LINGO1: variants seen among roughly 807,000 people sequenced by gnomAD.
The protein encoded by LINGO1 is leucine-rich repeat and immunoglobulin-like domain-containing nogo receptor-interacting protein 1.
In LINGO1, 11 loss-of-function variants were observed where a neutral mutation model predicts 37.3. The observed-to-expected ratio is 0.29, with a 90% confidence interval of 0.19 to 0.49. The LOEUF is 0.49. LINGO1 is among the 20% of genes least tolerant of loss of function. LINGO1 has a pLI of 0.99. For missense variants in LINGO1, 585 were observed against 878.2 expected (o/e 0.67, Z 4.22); for synonymous variants, 387 against 403.0 (o/e 0.96, Z 0.48).
chr15:77,661,631 G>A (rs1219767046), intron 3 of LINGO1, among the ~76,000 whole-genome samples: 1 of 152,206 alleles, frequency 6.6e-6, no homozygotes, highest in Non-Finnish European at 1.5e-5. Context: ...TCTCTGGCCC[G>A]AGGGCTCAAA....
intron 3 of LINGO1, among the ~76,000 whole-genome samples, chr15:77,642,175 G>A (rs2074522323): frequency 6.6e-6 from 1 of 152,206 alleles, no homozygotes; most frequent in Non-Finnish European, 1.5e-5. Context: ...GCTTCCGTCT[G>A]CCTGGCTGTT....
intron 1 of LINGO1, among the ~76,000 whole-genome samples, chr15:77,809,387 G>A (rs552197994): frequency 1.1e-4 from 17 of 152,316 alleles, no homozygotes; most frequent in East Asian, 3.9e-4. Context: ...CTAACCAGGC[G>A]GGTGACCACC....
At chr15:77,782,596 C>A (rs533781110) in intron 1 of LINGO1, among the ~76,000 whole-genome samples, 2 of 152,250 alleles carry the variant, frequency 1.3e-5, no homozygotes, top group East Asian at 1.9e-4. Flanking sequence ...CCTCCACCTG[C>A]GCCATATTCC....
At chr15:77,802,298 C>G (rs1458070426) in intron 1 of LINGO1, among the ~76,000 whole-genome samples, 1 of 151,904 alleles carries the variant, frequency 6.6e-6, no homozygotes, top group East Asian at 1.9e-4. Flanking sequence ...TGTTGTCACT[C>G]TCGGGGATGA....
At chr15:77,767,270 C>G (rs2076539707) in intron 1 of LINGO1, among the ~76,000 whole-genome samples, 1 of 152,142 alleles carries the variant, frequency 6.6e-6, no homozygotes, top group Non-Finnish European at 1.5e-5. Flanking sequence ...TTAACACCAG[C>G]ACTGTAAGCA....
intron 1 of LINGO1, among the ~76,000 whole-genome samples, chr15:77,806,653 G>A (rs1428904967): frequency 1.3e-5 from 2 of 152,102 alleles, no homozygotes; most frequent in South Asian, 4.1e-4. Flanking sequence ...GACCATAGCA[G>A]CAGAGGCCTA....
chr15:77,719,218 G>A (rs1230163491), intron 2 of LINGO1, among the ~76,000 whole-genome samples: 4 of 150,090 alleles, frequency 2.7e-5, no homozygotes, highest in Non-Finnish European at 5.9e-5. Flanking sequence ...GAGCCCCTCT[G>A]GGCAGTGACA....
At chr15:77,690,117 C>T (rs545292057) in intron 2 of LINGO1, among the ~76,000 whole-genome samples, 9 of 152,274 alleles carry the variant, frequency 5.9e-5, no homozygotes, top group East Asian at 5.8e-4. Flanking sequence ...GGAGGGGTCT[C>T]CTTTCTCCTG....
intron 3 of LINGO1, among the ~76,000 whole-genome samples, chr15:77,657,648 T>C (rs1359416491): frequency 6.6e-6 from 1 of 152,040 alleles, no homozygotes; most frequent in Non-Finnish European, 1.5e-5. Flanking sequence ...GGCCCAGAAG[T>C]AGGTCCCCTG....
intron 1 of LINGO1, among the ~76,000 whole-genome samples, chr15:77,807,467 C>G (rs1184346054): frequency 6.6e-6 from 1 of 152,198 alleles, no homozygotes; most frequent in African/African-American, 2.4e-5. Context: ...TTGCTTCAAA[C>G]GGATGTGCTC....
intron 2 of LINGO1, among the ~76,000 whole-genome samples, chr15:77,732,842 C>A (rs1428276033): frequency 6.6e-6 from 1 of 152,246 alleles, no homozygotes; most frequent in Non-Finnish European, 1.5e-5. Context: ...TGATCTAGCA[C>A]ACAGGCTGCT....
At chr15:77,794,571 CATATAT>C (rs1180875809) in intron 2 of LINGO1, among the ~76,000 whole-genome samples, 1 of 43,340 alleles carries the variant, frequency 2.3e-5, no homozygotes, top group Non-Finnish European at 4.9e-5. Flanking sequence ...TACACACACA[CATATAT>C]ATATATATAT....
chr15:77,690,902 C>T lies in LINGO1; in HGVS notation c.-280-1G>A, dbSNP rs1228130869. 6.6e-6 allele frequency: 1 copy of T among 152,264 alleles called. No individual in the cohort carries two copies. Among genetic ancestry groups the T allele is most frequent in the Non-Finnish European group, 1.5e-5 (1 of 68,092 alleles). The allele number at this position is 152,264 out of a possible 1,614,324, so 9.4% of individuals were successfully genotyped here. ...TAGCCAGGTCATGGTCATAAGATCC[C>T]TAGAAAGGAAGAGAAGCAAGAGTGA... On this transcript the variant is annotated splice_acceptor_variant, in intron 1 of 3. Transcript: ENST00000559893. LOFTEE classifies it low-confidence loss of function (5UTR_SPLICE).
chr15:77,625,333 C>A (rs2074055709), intron 1 of LINGO1, among the ~76,000 whole-genome samples: 1 of 152,126 alleles, frequency 6.6e-6, no homozygotes, highest in Admixed American at 6.5e-5. Context: ...TATTTCAAGC[C>A]CTTTGCATAT....
intron 2 of LINGO1, among the ~76,000 whole-genome samples, chr15:77,726,488 G>A (rs1394546621): frequency 6.6e-6 from 1 of 152,250 alleles, no homozygotes; most frequent in African/African-American, 2.4e-5. Context: ...CCCTGCACAA[G>A]AAAGAATGAG....
chr15:77,769,593 A>G (rs1227045192), intron 1 of LINGO1, among the ~76,000 whole-genome samples: 1 of 152,166 alleles, frequency 6.6e-6, no homozygotes, highest in Non-Finnish European at 1.5e-5. Flanking sequence ...AGCCAACTGG[A>G]GGCAAGGATG....
In LINGO1 at chr15:77,614,648, G is replaced by A. The variant is rs2073630134; in HGVS notation, c.1259C>T (p.Thr420Ile). 6.2e-7 allele frequency: 1 copy of A among 1,611,808 alleles called. No homozygotes were observed. The highest frequency in any genetic ancestry group is 8.5e-7 in the Non-Finnish European group (1 of 1,179,208). Residue 420 changes from threonine (T) to isoleucine (I), a missense_variant, in exon 2 of 2, where the codon ACC becomes ATC. This residue lies in a region of LINGO1 where 484 missense variants were observed against 735.0 expected (regional missense o/e 0.66). Coordinates refer to ENST00000355300, the MANE Select transcript of LINGO1 (RefSeq NM_032808.7). ...FPDVLLPNYF[T>I]CRRARIRDRK... ...GTCCCGGATGCGGGCGCGGCGGCAG[G>A]TGAAGTAGTTGGGCAGTAGCACATC...
chr15:77,807,231 G>A (rs2076967598), intron 1 of LINGO1, among the ~76,000 whole-genome samples: 1 of 152,222 alleles, frequency 6.6e-6, no homozygotes, highest in African/African-American at 2.4e-5. Context: ...GGACCCACCT[G>A]TAGTGCAACT....
At chr15:77,631,575 T>C (rs1995972) in intron 1 of LINGO1, among the ~76,000 whole-genome samples, 39,768 of 151,618 alleles carry the variant, frequency 0.26, 7,868 homozygotes, top group African/African-American at 0.56. Flanking sequence ...CCGAAAAGGG[T>C]GTGAGGGGGA....
Sources: allele counts gnomAD v4.1 joint callset (sites outside exome capture counted in the v4.1 genomes callset), GRCh38; gene constraint gnomAD v4.1.1; regional missense constraint gnomAD v4.1.1; transcripts MANE v1.5; gene names NCBI Gene and HGNC (gene_info 2026-07-23, HGNC 2026-07-21).